The following RXRA variants were observed in gnomAD, a reference collection of about 807,000 sequenced individuals.
RXRA encodes retinoic acid receptor RXR-alpha.
A neutral mutation model predicts 44.5 loss-of-function variants in RXRA; 5 were observed. The ratio of observed to expected loss-of-function variants is 0.11; its 90% CI spans 0.06 to 0.24. RXRA has a LOEUF of 0.24. RXRA is among the 10% of genes least tolerant of loss of function. The pLI, the probability that RXRA is intolerant of heterozygous loss-of-function variation, is 1.00. For missense variants in RXRA, 412 were observed against 646.5 expected, an observed-to-expected ratio of 0.64 and a Z score of 3.93; for synonymous variants, 291 against 271.4, an observed-to-expected ratio of 1.07 and a Z score of -0.71.
chr9:134,396,225 G>A (rs988933756), intron 1 of RXRA, among the ~76,000 whole-genome samples: 34 of 152,180 alleles, frequency 2.2e-4, no homozygotes, highest in African/African-American at 7.7e-4. Context: ...CATCTCCTGG[G>A]TTGGGCATGG....
At position 134,366,196 on chromosome 9, in the gene RXRA, G is replaced by A. The variant is rs1830412626; in HGVS notation, c.29-35436G>A. Among the ~76,000 whole-genome samples, 2 of 152,144 alleles carry A rather than the reference G, an allele frequency of 1.3e-5. No homozygotes were observed. The highest frequency in any genetic ancestry group is 1.3e-4 in the Admixed American group (2 of 15,278). On this transcript the variant is annotated intron_variant, in intron 1 of 9. Transcript: ENST00000481739. This position sits in a 1 kb window ranked among gnomAD's most constrained non-coding sequence, Gnocchi z 5.9. ...GGCAGAGCCTCTGGTGGCTCCGTGT[G>A]GCATGTTCTGGGCTGTGTGTGGGGC...
chr9:134,384,039 C>T (rs1232000081), intron 1 of RXRA, among the ~76,000 whole-genome samples: 1 of 152,178 alleles, frequency 6.6e-6, no homozygotes, highest in Non-Finnish European at 1.5e-5. Flanking sequence ...ATCTTCTCCT[C>T]ACTAGAGCTG....
chr9:134,332,299 G>A (rs1245866276), intron 1 of RXRA, among the ~76,000 whole-genome samples: 2 of 152,148 alleles, frequency 1.3e-5, no homozygotes, highest in South Asian at 2.1e-4. Context: ...TTGGACCCCC[G>A]GGTCCCAGGG....
intron 1 of RXRA, among the ~76,000 whole-genome samples, chr9:134,360,123 A>G (rs1273932702): frequency 6.6e-6 from 1 of 152,022 alleles, no homozygotes; most frequent in African/African-American, 2.4e-5. Flanking sequence ...CCAGGGCTTT[A>G]CCTAAGGCCC....
intron 1 of RXRA, among the ~76,000 whole-genome samples, chr9:134,374,421 G>A (rs576100365): frequency 1.3e-5 from 2 of 152,196 alleles, no homozygotes; most frequent in South Asian, 2.1e-4. Context: ...GGGTGAGGGG[G>A]TGAATCGCAG....
At chr9:134,424,972 C>T (rs1375493070) in intron 6 of RXRA, 2 of 985,348 alleles carry the variant, frequency 2.0e-6, no homozygotes, top group African/African-American at 3.5e-5. Flanking sequence ...ACTGTGTTCC[C>T]AGTGCTGGTG....
At chr9:134,351,546 GA>G (rs1830221682) in intron 1 of RXRA, among the ~76,000 whole-genome samples, 1 of 152,366 alleles carries the variant, frequency 6.6e-6, no homozygotes, top group East Asian at 1.9e-4. Flanking sequence ...CCTGGCCTGT[GA>G]ATATTTCATC....
At chr9:134,396,461 C>A (rs1830880909) in intron 1 of RXRA, among the ~76,000 whole-genome samples, 1 of 152,072 alleles carries the variant, frequency 6.6e-6, no homozygotes, top group South Asian at 2.1e-4. Flanking sequence ...GTGGGTGATC[C>A]AGGAAGCTCT....
intron 1 of RXRA, among the ~76,000 whole-genome samples, chr9:134,399,087 G>A (rs1037132390): frequency 2.0e-5 from 3 of 152,264 alleles, no homozygotes; most frequent in Non-Finnish European, 4.4e-5. Flanking sequence ...TGCTGAGTAC[G>A]CGTGCCTGTC....
intron 5 of RXRA, among the ~76,000 whole-genome samples, chr9:134,421,213 T>G (rs1332409784): frequency 1.3e-5 from 2 of 152,256 alleles, no homozygotes; most frequent in Non-Finnish European, 2.9e-5. Context: ...AAAAGCAGTC[T>G]TGCCGGGCTG....
At chr9:134,326,879 C>A (rs868940895) in intron 1 of RXRA, among the ~76,000 whole-genome samples, 3 of 73,106 alleles carry the variant, frequency 4.1e-5, no homozygotes, top group Middle Eastern at 6.1e-3. Flanking sequence ...AGCGGGCGGG[C>A]GGCGGGGCCG....
Position 134,365,730 on chromosome 9 carries a change from G to A in RXRA, c.29-35902G>A, listed in dbSNP as rs1830406018. 6.6e-6 allele frequency among the ~76,000 whole-genome samples: 1 copy of A among 151,998 alleles called. No homozygotes were observed. The highest frequency in any genetic ancestry group is 2.1e-4 in the South Asian group (1 of 4,812). The stretch of plus-strand genomic sequence containing the variant: ...ATGTAGCCCTGAGGGGCCCGGCAGA[G>A]TCTCGGTGGGTCTCGGTGGGGCCAG... On this transcript the variant is annotated intron_variant, in intron 1 of 9. Coordinates refer to ENST00000481739, the MANE Select transcript of RXRA (RefSeq NM_002957.6). This position sits in a 1 kb window ranked among gnomAD's most constrained non-coding sequence, Gnocchi z 4.0.
intron 1 of RXRA, among the ~76,000 whole-genome samples, chr9:134,375,052 A>T (rs1425766429): frequency 6.6e-6 from 1 of 152,062 alleles, no homozygotes; most frequent in Non-Finnish European, 1.5e-5. Context: ...AGTGCTCTTG[A>T]GGGGGTGTGT....
At chr9:134,425,711 C>A (rs941028096) in intron 6 of RXRA, 1 of 985,206 alleles carries the variant, frequency 1.0e-6, no homozygotes, top group East Asian at 1.1e-4. Flanking sequence ...CTGCCCACAT[C>A]TCTGGCCCCA....
At chr9:134,381,587 C>T (rs1035531800) in intron 1 of RXRA, among the ~76,000 whole-genome samples, 3 of 151,912 alleles carry the variant, frequency 2.0e-5, no homozygotes, top group African/African-American at 4.8e-5. Context: ...GTCTATGTGG[C>T]GCCCGCCCTT....
chr9:134,376,458 G>T (rs2119092095), intron 1 of RXRA, among the ~76,000 whole-genome samples: 1 of 152,310 alleles, frequency 6.6e-6, no homozygotes, highest in South Asian at 2.1e-4. Flanking sequence ...CTGCTGCCCT[G>T]TCCTACCGTT....
intron 5 of RXRA, among the ~76,000 whole-genome samples, chr9:134,419,410 A>G (rs1260689768): frequency 1.3e-5 from 2 of 152,134 alleles, no homozygotes; most frequent in Non-Finnish European, 2.9e-5. Context: ...GATAAAGGAC[A>G]CGTCTTCCAC....
At chr9:134,336,183 C>T (rs1554747284) in intron 1 of RXRA, among the ~76,000 whole-genome samples, 1 of 152,176 alleles carries the variant, frequency 6.6e-6, no homozygotes, top group African/African-American at 2.4e-5. Flanking sequence ...ACCACCGCAC[C>T]ATCCCGGGCC....
At chr9:134,377,699 C>G (rs531227256) in intron 1 of RXRA, among the ~76,000 whole-genome samples, 1 of 152,348 alleles carries the variant, frequency 6.6e-6, no homozygotes, top group African/African-American at 2.4e-5. Flanking sequence ...TCTACTCTTG[C>G]AGAGATGTAA....
Sources: gnomAD v4.1 joint callset for allele counts (sites outside exome capture counted in the v4.1 genomes callset) on GRCh38, gnomAD v4.1.1 for gene constraint, Gnocchi (gnomAD v3.1) non-coding constraint, MANE v1.5 for transcripts, NCBI Gene and HGNC (gene_info 2026-07-23, HGNC 2026-07-21) for gene names.